Variants in KCNN2 observed in about 807,000 individuals in gnomAD.
KCNN2 encodes the protein potassium calcium-activated channel subfamily N member 2.
A neutral mutation model predicts 55.5 loss-of-function variants in KCNN2; 24 were observed. The ratio of observed to expected loss-of-function variants is 0.43; its 90% CI spans 0.31 to 0.61. KCNN2 has a LOEUF of 0.61. Among genes scored for constraint, KCNN2 ranks in the 20% least tolerant of loss-of-function variants. KCNN2 has a pLI of 0.08. For synonymous variants in KCNN2, 431 were observed against 336.1 expected, an observed-to-expected ratio of 1.28 and a Z score of -3.09; for missense variants, 754 against 853.6, an observed-to-expected ratio of 0.88 and a Z score of 1.45.
At chr5:114,074,020 A>G (rs1006720654) in intron 1 of KCNN2, among the ~76,000 whole-genome samples, 1 of 152,212 alleles carries the variant, frequency 6.6e-6, no homozygotes, top group African/African-American at 2.4e-5. Context: ...CAGCTCTAAT[A>G]TCTACAACTT....
intron 6 of KCNN2, among the ~76,000 whole-genome samples, chr5:114,492,886 G>GT (rs35402367): frequency 0.19 from 28,210 of 147,608 alleles, 2,695 homozygotes; most frequent in African/African-American, 0.26. Flanking sequence ...TTGAATAAAA[G>GT]TTTTTTTTTT....
chr5:114,146,726 A>G lies in KCNN2; in HGVS notation c.-270-74754A>G, dbSNP rs757143069. On this transcript the variant is annotated intron_variant, in intron 1 of 10. Transcript: ENST00000512097. ...GTACAATTTGTTTAGCTTGTTTCCAACTCAGAGAATATTTATGTTTAAGAC... is the reference window on the plus strand; with the variant it reads ...GTACAATTTGTTTAGCTTGTTTCCAGCTCAGAGAATATTTATGTTTAAGAC... Among the ~76,000 whole-genome samples the G allele has an allele frequency of 3.3e-5, 5 of 152,298 alleles. No individual in the cohort carries two copies. In the South Asian group the frequency reaches 6.2e-4, roughly 19 times the overall value.
At chr5:114,375,406 CTTTGT>C (rs1399052089) in intron 2 of KCNN2, among the ~76,000 whole-genome samples, 2 of 151,908 alleles carry the variant, frequency 1.3e-5, no homozygotes, top group Non-Finnish European at 2.9e-5. Flanking sequence ...TGACTGAAAA[CTTTGT>C]TTTATTTATG....
chr5:114,399,673 G>GT (rs2150068391), intron 2 of KCNN2, among the ~76,000 whole-genome samples: 1 of 152,222 alleles, frequency 6.6e-6, no homozygotes, highest in East Asian at 1.9e-4. Flanking sequence ...AGTAGGAATG[G>GT]TATCAGCTCT....
At chr5:114,222,552 T>C (rs910260950) in intron 2 of KCNN2, among the ~76,000 whole-genome samples, 3 of 152,224 alleles carry the variant, frequency 2.0e-5, no homozygotes, top group African/African-American at 4.8e-5. Flanking sequence ...TGTATCTCAG[T>C]GTGCAAATAA....
chr5:114,433,910 A>C (rs1398120176), intron 3 of KCNN2: 4 of 160,002 alleles, frequency 2.5e-5, no homozygotes, highest in African/African-American at 9.6e-5. Flanking sequence ...GAGACCAAGA[A>C]CCCACCAATT....
intron 1 of KCNN2, among the ~76,000 whole-genome samples, chr5:114,216,168 C>G (rs1467799231): frequency 6.6e-6 from 1 of 152,064 alleles, no homozygotes; most frequent in East Asian, 1.9e-4. Flanking sequence ...TCCAACATTA[C>G]TACACCAAGA....
intron 4 of KCNN2, among the ~76,000 whole-genome samples, chr5:114,464,424 A>C (rs1044395439): frequency 6.6e-6 from 1 of 152,184 alleles, no homozygotes; most frequent in Admixed American, 6.5e-5. Context: ...GAAATCAGGT[A>C]CCCTGTTCAA....
At chr5:114,304,297 G>A (rs1381305406) in intron 2 of KCNN2, among the ~76,000 whole-genome samples, 1 of 152,148 alleles carries the variant, frequency 6.6e-6, no homozygotes, top group African/African-American at 2.4e-5. Context: ...TATTGGAGGA[G>A]AGTTGGTGCA....
chr5:114,064,661 G>A (rs1295484204), intron 1 of KCNN2, among the ~76,000 whole-genome samples: 3 of 152,268 alleles, frequency 2.0e-5, no homozygotes, highest in African/African-American at 7.2e-5. Flanking sequence ...TGGGTAGCAT[G>A]TTATGGAACA....
intron 3 of KCNN2, among the ~76,000 whole-genome samples, chr5:114,435,414 G>A (rs369955462): frequency 2.0e-5 from 3 of 151,726 alleles, no homozygotes; most frequent in South Asian, 4.2e-4. Context: ...TTATTTTCTT[G>A]TTGTGAGGAT....
At chr5:114,117,391 A>G (rs1463115103) in intron 1 of KCNN2, among the ~76,000 whole-genome samples, 1 of 152,158 alleles carries the variant, frequency 6.6e-6, no homozygotes, top group East Asian at 1.9e-4. Flanking sequence ...TTTTCCTAGT[A>G]AACATAGTGG....
At chr5:114,200,732 C>A (rs1246355686) in intron 1 of KCNN2, among the ~76,000 whole-genome samples, 1 of 151,354 alleles carries the variant, frequency 6.6e-6, no homozygotes, top group Non-Finnish European at 1.5e-5. Flanking sequence ...GACACTTTGG[C>A]CTTGATTTTG....
chr5:114,250,191 G>T (rs1444522106), intron 2 of KCNN2, among the ~76,000 whole-genome samples: 1 of 152,120 alleles, frequency 6.6e-6, no homozygotes, highest in Non-Finnish European at 1.5e-5. Flanking sequence ...GAGCAGTTTG[G>T]ATAAGCCTTT....
At chr5:114,371,269 C>T (rs1177682824) in intron 2 of KCNN2, among the ~76,000 whole-genome samples, 2 of 151,938 alleles carry the variant, frequency 1.3e-5, no homozygotes, top group Non-Finnish European at 2.9e-5. Flanking sequence ...GAAGTCTGTA[C>T]CGGATATTTA....
chr5:114,474,942 T>C (rs1761903351), intron 5 of KCNN2, among the ~76,000 whole-genome samples: 1 of 152,156 alleles, frequency 6.6e-6, no homozygotes, highest in Admixed American at 6.5e-5. Context: ...GTTAGCATGT[T>C]TGGGCAGACT....
intron 1 of KCNN2, among the ~76,000 whole-genome samples, chr5:114,117,639 T>G (rs1751731900): frequency 6.6e-6 from 1 of 152,188 alleles, no homozygotes; most frequent in South Asian, 2.1e-4. Flanking sequence ...GAAATAAGAT[T>G]TGACCTATTT....
At chr5:114,337,676 G>A (rs1756945011) in intron 2 of KCNN2, among the ~76,000 whole-genome samples, 1 of 152,116 alleles carries the variant, frequency 6.6e-6, no homozygotes, top group Non-Finnish European at 1.5e-5. Context: ...TGGTCTTGGT[G>A]AATGACCACA....
chr5:114,096,856 A>T (rs1267059716), intron 1 of KCNN2, among the ~76,000 whole-genome samples: 2 of 152,172 alleles, frequency 1.3e-5, no homozygotes, highest in Non-Finnish European at 2.9e-5. Context: ...CTTTTAGAGG[A>T]TGGCCAGAAT....
Sources: allele counts gnomAD v4.1 joint callset (sites outside exome capture counted in the v4.1 genomes callset), GRCh38; gene constraint gnomAD v4.1.1; transcripts MANE v1.5; gene names NCBI Gene and HGNC (gene_info 2026-07-23, HGNC 2026-07-21).